ASIC5: variants seen among roughly 807,000 people sequenced by gnomAD.
The protein encoded by ASIC5 is bile acid-sensitive ion channel.
A neutral mutation model predicts 51.2 loss-of-function variants in ASIC5; 52 were observed. That is an observed-to-expected ratio of 1.02 (90% confidence interval 0.81 to 1.28). The LOEUF (loss-of-function observed/expected upper bound fraction) is 1.28, where lower values mean the gene tolerates loss of function less well. Ranked by LOEUF, ASIC5 falls within the 50% of genes most tolerant of loss-of-function variation. The pLI is 0.00. For missense variants in ASIC5, 635 were observed against 595.0 expected, an observed-to-expected ratio of 1.07 and a Z score of -0.70; for synonymous variants, 231 against 200.7, an observed-to-expected ratio of 1.15 and a Z score of -1.28.
intron 4 of ASIC5, among the ~76,000 whole-genome samples, chr4:155,848,265 T>C (rs1233180579): frequency 6.6e-6 from 1 of 152,058 alleles, no homozygotes; most frequent in East Asian, 1.9e-4. Flanking sequence ...CCTTTGATAT[T>C]TGAAGATCTT....
chr4:155,840,449 AT>A (rs917032391), intron 6 of ASIC5, among the ~76,000 whole-genome samples: 34 of 147,102 alleles, frequency 2.3e-4, no homozygotes, highest in Non-Finnish European at 4.5e-4. Context: ...TATAATATAT[AT>A]TTTTTATATT....
At chr4:155,842,833 A>G (rs1741151867) in intron 5 of ASIC5, among the ~76,000 whole-genome samples, 2 of 152,176 alleles carry the variant, frequency 1.3e-5, no homozygotes, top group South Asian at 4.1e-4. Flanking sequence ...TAGAAGGGTG[A>G]GGAAAATGGA....
At chr4:155,857,236 A>T (rs1474156173) in intron 2 of ASIC5, among the ~76,000 whole-genome samples, 1 of 151,898 alleles carries the variant, frequency 6.6e-6, no homozygotes, top group Non-Finnish European at 1.5e-5. Context: ...CAATCCTCCC[A>T]CTTCAGCCCC....
intron 7 of ASIC5, among the ~76,000 whole-genome samples, chr4:155,837,654 T>C (rs1255990231): frequency 6.6e-6 from 1 of 152,130 alleles, no homozygotes; most frequent in Non-Finnish European, 1.5e-5. Flanking sequence ...TTTCAGACTC[T>C]AACTTTGACT....
At chr4:155,849,434 A>G (rs1247956915) in intron 4 of ASIC5, among the ~76,000 whole-genome samples, 3 of 152,102 alleles carry the variant, frequency 2.0e-5, no homozygotes, top group Non-Finnish European at 4.4e-5. Context: ...AAAAATAACT[A>G]TTCTTGGTGC....
chr4:155,844,346 G>C lies in ASIC5; in HGVS notation c.712-516C>G, dbSNP rs145806193. Among the ~76,000 whole-genome samples, 187 of 151,894 alleles carry C rather than the reference G, an allele frequency of 1.2e-3. 1 individual carries two copies. The highest frequency in any genetic ancestry group is 2.1e-3 in the South Asian group (10 of 4,816). The stretch of plus-strand genomic sequence containing the variant: ...ACAAACAAAAAAAACTCCTTTTTTT[G>C]TGGGAGTTTCCACTGCATCCACCAA... On this transcript the variant is annotated intron_variant, in intron 4 of 9. Coordinates refer to ENST00000537611, the MANE Select transcript of ASIC5 (RefSeq NM_017419.3).
chr4:155,832,164 G>A (rs1325429444), intron 8 of ASIC5, among the ~76,000 whole-genome samples: 1 of 152,188 alleles, frequency 6.6e-6, no homozygotes, highest in Non-Finnish European at 1.5e-5. Flanking sequence ...GACATTAAAT[G>A]TAAATATCTA....
intron 2 of ASIC5, among the ~76,000 whole-genome samples, chr4:155,855,706 A>T (rs1741518366): frequency 6.7e-6 from 1 of 149,014 alleles, no homozygotes; most frequent in Admixed American, 6.7e-5. Context: ...TTTAATATAT[A>T]AATATATATC....
In ASIC5 at chr4:155,829,990, C is replaced by A. The variant is rs1168515854; in HGVS notation, c.1384G>T (p.Glu462Ter). The change falls in exon 10 of 10, where the codon GAA becomes TAA. Residue 462 changes from glutamate (E) to a stop codon, truncating the protein, a stop_gained. Coordinates refer to ENST00000537611, the MANE Select transcript of ASIC5 (RefSeq NM_017419.3). LOFTEE classifies it high-confidence loss of function. ...TTGGTGAATAGATATTCAATAATTT[C>A]TATGATCGTGATCAGACTGGCCCCA... is the stretch of plus-strand genomic sequence containing the variant. ...FCGASLITIIEIIEYLFTNFY... is the reference protein window; with the variant it reads ...FCGASLITII 4.4e-6 allele frequency: 7 copies of A among 1,597,448 alleles called. No homozygotes were observed. Among genetic ancestry groups the A allele is most frequent in the African/African-American group, 4.0e-5 (3 of 74,270 alleles).
chr4:155,830,094 A>G (rs1740842314), intron 9 of ASIC5, 48 bp from the exon 10 acceptor site: 1 of 1,332,588 alleles, frequency 7.5e-7, no homozygotes, highest in Non-Finnish European at 1.0e-6. Context: ...TTCATAAAAA[A>G]CAAATATTAT....
chr4:155,863,404 G>A, intron 2 of ASIC5, 44 bp downstream of exon 2: 1 of 1,442,528 alleles, frequency 6.9e-7, no homozygotes, highest in Non-Finnish European at 9.4e-7. Flanking sequence ...GATTATACTA[G>A]CAAATTTATA....
intron 2 of ASIC5, among the ~76,000 whole-genome samples, chr4:155,861,917 G>A (rs1376378982): frequency 6.6e-6 from 1 of 151,874 alleles, no homozygotes; most frequent in Non-Finnish European, 1.5e-5. Context: ...TATTTGTAAT[G>A]ACCCAATTTT....
In ASIC5 at chr4:155,863,481, T is replaced by C; in HGVS notation, c.314A>G (p.Glu105Gly). The change falls in exon 2 of 10, where the codon GAG becomes GGG. Residue 105 changes from glutamate (E) to glycine (G), a missense_variant. Physicochemically the swap from Glu to Gly is moderately conservative, Grantham distance 98. Coordinates refer to ENST00000537611, the MANE Select transcript of ASIC5 (RefSeq NM_017419.3). Reference sequence around the variant, plus strand: ...ATTACAAAATGTCACAGCTGGGAACTCCATCTTTTCCACATATTGAACCTC... The same window carrying C: ...ATTACAAAATGTCACAGCTGGGAACCCCATCTTTTCCACATATTGAACCTC... ...SIEVQYVEKM[E>G]FPAVTFCNLN... 6.2e-7 allele frequency: 1 copy of C among 1,613,524 alleles called. No homozygotes were observed.
chr4:155,864,717 G>A (rs1223967868), intron 1 of ASIC5: 3 of 152,044 alleles, frequency 2.0e-5, no homozygotes, highest in African/African-American at 7.2e-5. Context: ...TAAATTTGTT[G>A]ATAATACCTG....
At chr4:155,861,723 T>G (rs904531593) in intron 2 of ASIC5, among the ~76,000 whole-genome samples, 1 of 152,100 alleles carries the variant, frequency 6.6e-6, no homozygotes, top group Non-Finnish European at 1.5e-5. Context: ...TTGTTTTCTC[T>G]ATGTCTTATG....
chr4:155,863,781 A>C, intron 1 of ASIC5, 27 bp from the exon 2 acceptor site: 1 of 1,560,228 alleles, frequency 6.4e-7, no homozygotes, highest in Non-Finnish European at 8.7e-7. Context: ...TAAAATGATT[A>C]AACAAAAAAA....
chr4:155,862,201 C>A (rs1741725145), intron 2 of ASIC5, among the ~76,000 whole-genome samples: 1 of 151,968 alleles, frequency 6.6e-6, no homozygotes, highest in Admixed American at 6.6e-5. Context: ...TATTGAAAAT[C>A]ATTTTTTGGG....
Position 155,842,324 on chromosome 4 carries a change from A to T in ASIC5, c.892T>A (p.Cys298Ser). 6.2e-7 allele frequency: 1 copy of T among 1,613,418 alleles called. No homozygotes were observed. The highest frequency in any genetic ancestry group is 8.5e-7 in the Non-Finnish European group (1 of 1,179,600). ...TTCTGCAGCTTGATGTTAGGATTGC[A>T]TTCTCCCCAAGGGTATTCTTGATGA... ...TVHQEYPWGECNPNIKLQNFS... is the reference protein window; with the variant it reads ...TVHQEYPWGESNPNIKLQNFS... Residue 298 changes from cysteine to serine, a missense_variant, in exon 6 of 10, where the codon TGC becomes AGC. By Grantham distance (112) the Cys-to-Ser change is moderately radical. Transcript: ENST00000537611.
At chr4:155,834,275 A>G (rs1225793751) in intron 8 of ASIC5, among the ~76,000 whole-genome samples, 1 of 152,186 alleles carries the variant, frequency 6.6e-6, no homozygotes, top group East Asian at 1.9e-4. Context: ...TTTCTGTCCC[A>G]GGAAGACAAA....
Sources: allele counts gnomAD v4.1 joint callset (sites outside exome capture counted in the v4.1 genomes callset), GRCh38; gene constraint gnomAD v4.1.1; transcripts MANE v1.5; gene names NCBI Gene and HGNC (gene_info 2026-07-23, HGNC 2026-07-21).